The following GALNT13 variants were observed in gnomAD, a reference collection of about 807,000 sequenced individuals.
GALNT13 encodes the protein UDP-GalNAc:polypeptide N-acetylgalactosaminyltransferase 13.
A neutral mutation model predicts 64.2 loss-of-function variants in GALNT13; 28 were observed. That is an observed-to-expected ratio of 0.44 (90% CI 0.32 to 0.60). The LOEUF is 0.60. Among genes scored for constraint, GALNT13 ranks in the 20% least tolerant of loss-of-function variants. The probability of loss-of-function intolerance (pLI) is 0.05; values close to 1 mark genes in which losing one functional copy is unlikely to be tolerated. For missense variants in GALNT13, 577 were observed against 669.8 expected, an observed-to-expected ratio of 0.86 and a Z score of 1.53; for synonymous variants, 214 against 224.6, an observed-to-expected ratio of 0.95 and a Z score of 0.42.
intron 3 of GALNT13, among the ~76,000 whole-genome samples, chr2:154,094,771 G>A (rs1247417488): frequency 1.3e-5 from 2 of 151,752 alleles, no homozygotes; most frequent in Non-Finnish European, 2.9e-5. Flanking sequence ...TCATCTCCCA[G>A]TTAGTTATCT....
At chr2:154,051,937 C>G (rs1699643462) in intron 3 of GALNT13, among the ~76,000 whole-genome samples, 1 of 152,074 alleles carries the variant, frequency 6.6e-6, no homozygotes, top group Non-Finnish European at 1.5e-5. Flanking sequence ...CTGTATTTCT[C>G]AGTGTGCATA....
At chr2:154,321,000 C>T (rs1268195066) in intron 9 of GALNT13, among the ~76,000 whole-genome samples, 2 of 151,940 alleles carry the variant, frequency 1.3e-5, no homozygotes, top group African/African-American at 2.4e-5. Context: ...GGAAAATCCT[C>T]AAATATAGGT....
intron 4 of GALNT13, among the ~76,000 whole-genome samples, chr2:154,240,476 C>T (rs1319879432): frequency 6.6e-6 from 1 of 152,144 alleles, no homozygotes; most frequent in African/African-American, 2.4e-5. Context: ...TTAGAATCTG[C>T]ATTTGAATAA....
chr2:153,430,554 GAC>G, the GALNT13 span, among the ~76,000 whole-genome samples: 3 of 137,596 alleles, frequency 2.2e-5, no homozygotes, highest in Admixed American at 7.4e-5. Flanking sequence ...GAGAGAGAGA[GAC>G]TAAGTCTAGC....
the GALNT13 span, among the ~76,000 whole-genome samples, chr2:153,315,065 TAGAG>T: frequency 3.9e-5 from 6 of 152,028 alleles, no homozygotes; most frequent in African/African-American, 1.2e-4. Context: ...ATAAGAAAAG[TAGAG>T]AGAATATATT....
Position 153,977,074 on chromosome 2 carries a change from T to G in GALNT13, c.142+32435T>G, listed in dbSNP as rs548286664. 3.3e-5 allele frequency among the ~76,000 whole-genome samples: 5 copies of G among 152,252 alleles called. No homozygotes were observed. The South Asian group carries it at 1.0e-3, about 32-fold the overall frequency. On this transcript the variant is annotated intron_variant, in intron 3 of 12. Transcript: ENST00000392825. The stretch of plus-strand genomic sequence containing the variant: ...GGAATATTTTTCTTTGAGAAAGCAA[T>G]GAAAGCAAGCTTTGTGCTTGACATA...
chr2:153,405,062 T>C, the GALNT13 span, among the ~76,000 whole-genome samples: 3 of 152,332 alleles, frequency 2.0e-5, no homozygotes, highest in African/African-American at 7.2e-5. Flanking sequence ...TTTTAAATGC[T>C]GTTTTGTATC....
At chr2:153,081,734 G>A in the GALNT13 span, among the ~76,000 whole-genome samples, 1 of 152,256 alleles carries the variant, frequency 6.6e-6, no homozygotes, top group South Asian at 2.1e-4. Flanking sequence ...ACTCCGCTAT[G>A]TACATGTACC....
chr2:153,117,474 TTATGGTTA>T, the GALNT13 span, among the ~76,000 whole-genome samples: 2 of 152,168 alleles, frequency 1.3e-5, no homozygotes, highest in Non-Finnish European at 2.9e-5. Context: ...AGAGAAAATG[TTATGGTTA>T]TATGGTTATG....
At chr2:153,836,150 C>A in the GALNT13 span, among the ~76,000 whole-genome samples, 2 of 151,926 alleles carry the variant, frequency 1.3e-5, 1 homozygote, top group African/African-American at 4.8e-5. Context: ...CATCTGAATG[C>A]AAAGAAGGTG....
chr2:153,825,919 G>C, the GALNT13 span, among the ~76,000 whole-genome samples: 1 of 152,002 alleles, frequency 6.6e-6, no homozygotes, highest in Non-Finnish European at 1.5e-5. Context: ...GCAGATACTT[G>C]AAATTGGATA....
intron 8 of GALNT13, among the ~76,000 whole-genome samples, chr2:154,266,921 AAGTT>A (rs3078700): frequency 0.041 from 6,169 of 152,136 alleles, 181 homozygotes; most frequent in Non-Finnish European, 0.058. Flanking sequence ...ATAAAGAAAA[AAGTT>A]AGAGAATTAA....
intron 9 of GALNT13, among the ~76,000 whole-genome samples, chr2:154,320,204 G>GTTAAAA (rs1694550224): frequency 6.6e-6 from 1 of 152,134 alleles, no homozygotes; most frequent in Non-Finnish European, 1.5e-5. Context: ...TAAAGTTAAA[G>GTTAAAA]TTAATGGCTT....
At chr2:154,319,209 A>G (rs1694488980) in intron 9 of GALNT13, among the ~76,000 whole-genome samples, 1 of 152,186 alleles carries the variant, frequency 6.6e-6, no homozygotes, top group Non-Finnish European at 1.5e-5. Context: ...AGTACATAAA[A>G]TAAATGTATG....
chr2:153,110,028 G>A, the GALNT13 span, among the ~76,000 whole-genome samples: 15 of 152,204 alleles, frequency 9.9e-5, no homozygotes, highest in African/African-American at 3.4e-4. Flanking sequence ...TCTGTGTTGA[G>A]AAGACAACTC....
chr2:154,442,467 T>C lies in GALNT13; in HGVS notation c.1530+3741T>C, dbSNP rs77814931. Reference sequence around the variant, plus strand: ...GCCTAACCTGTTTGAATTGAGGGCATCCTGGGCATCATTAGCAAAATTGTG... The same window carrying C: ...GCCTAACCTGTTTGAATTGAGGGCACCCTGGGCATCATTAGCAAAATTGTG... On this transcript the variant is annotated intron_variant, in intron 12 of 12. Transcript: ENST00000392825. Among the ~76,000 whole-genome samples the C allele has an allele frequency of 3.6e-3, 551 of 152,164 alleles. 7 individuals carry two copies. The highest frequency in any genetic ancestry group is 0.012 in the African/African-American group (516 of 41,522).
chr2:153,631,245 A>G, the GALNT13 span, among the ~76,000 whole-genome samples: 3 of 152,078 alleles, frequency 2.0e-5, no homozygotes, highest in Non-Finnish European at 2.9e-5. Context: ...AGTCTTTGCT[A>G]TTGTGAATAA....
At chr2:154,435,411 A>G (rs1474253679) in intron 11 of GALNT13, among the ~76,000 whole-genome samples, 2 of 152,190 alleles carry the variant, frequency 1.3e-5, no homozygotes, top group African/African-American at 2.4e-5. Flanking sequence ...CCTTACACAT[A>G]CTAACTGAGA....
the GALNT13 span, among the ~76,000 whole-genome samples, chr2:153,319,110 A>C: frequency 6.6e-6 from 1 of 152,172 alleles, no homozygotes; most frequent in Non-Finnish European, 1.5e-5. Context: ...TACTCCAAAT[A>C]TGTGCTATTG....
Sources: gnomAD v4.1 joint callset for allele counts (sites outside exome capture counted in the v4.1 genomes callset) on GRCh38, gnomAD v4.1.1 for gene constraint, MANE v1.5 for transcripts, NCBI Gene and HGNC (gene_info 2026-07-23, HGNC 2026-07-21) for gene names.